Variants in LRRC40 observed in about 807,000 individuals in gnomAD.
LRRC40 encodes leucine-rich repeat-containing protein 40.
A neutral mutation model predicts 72.8 loss-of-function variants in LRRC40; 76 were observed. The ratio of observed to expected loss-of-function variants is 1.04; its 90% CI spans 0.87 to 1.26. LRRC40 has a LOEUF of 1.26. LRRC40 is among the 50% of genes most tolerant of loss of function. The pLI, the probability that LRRC40 is intolerant of heterozygous loss-of-function variation, is 0.00. For missense variants in LRRC40, 684 were observed against 698.9 expected, an observed-to-expected ratio of 0.98 and a Z score of 0.24; for synonymous variants, 243 against 254.2, an observed-to-expected ratio of 0.96 and a Z score of 0.42.
chr1:70,182,714 C>A (rs1668273308), intron 4 of LRRC40, among the ~76,000 whole-genome samples: 1 of 151,868 alleles, frequency 6.6e-6, no homozygotes, highest in African/African-American at 2.4e-5. Flanking sequence ...CAAGTCATTC[C>A]TTTAACAAAT....
chr1:70,148,476 G>A lies in LRRC40; in HGVS notation c.1703+11C>T, dbSNP rs376042540. Reference sequence around the variant, plus strand: ...AATAAATGAAACAATGCAGTAGAATGGTGTAGTTACCTTAAGTTTACACAA... The same window carrying A: ...AATAAATGAAACAATGCAGTAGAATAGTGTAGTTACCTTAAGTTTACACAA... On this transcript the variant is annotated intron_variant, in intron 14 of 14. Coordinates refer to ENST00000370952, the MANE Select transcript of LRRC40 (RefSeq NM_017768.5). The A allele has an allele frequency of 1.0e-5, 16 of 1,586,586 alleles. No individual in the cohort carries two copies. The highest frequency in any genetic ancestry group is 1.3e-5 in the Non-Finnish European group (15 of 1,158,262).
chr1:70,195,171 C>A (rs1668580981), intron 1 of LRRC40, among the ~76,000 whole-genome samples: 1 of 151,860 alleles, frequency 6.6e-6, no homozygotes, highest in Admixed American at 6.6e-5. Flanking sequence ...TGTCTTGGGA[C>A]AGAAAAAGTT....
intron 10 of LRRC40, among the ~76,000 whole-genome samples, chr1:70,158,009 G>T (rs1406058786): frequency 6.6e-6 from 1 of 150,808 alleles, no homozygotes; most frequent in Non-Finnish European, 1.5e-5. Flanking sequence ...GCTGAGGTGG[G>T]GGAATCGCTT....
chr1:70,173,916 T>G (rs971900888), intron 7 of LRRC40, among the ~76,000 whole-genome samples: 1 of 152,032 alleles, frequency 6.6e-6, no homozygotes, highest in African/African-American at 2.4e-5. Context: ...ATTGTCATGC[T>G]GAGATTAATT....
intron 3 of LRRC40, among the ~76,000 whole-genome samples, chr1:70,186,666 C>A (rs1184319668): frequency 6.6e-6 from 1 of 152,132 alleles, no homozygotes; most frequent in Non-Finnish European, 1.5e-5. Context: ...TTTCCCATAG[C>A]CTATGTCTAT....
rs3219841 is a variant in LRRC40 at position 70,204,732 on chromosome 1, T to TACACACACACAC, written c.151+646_151+657dup. ...TCTCCATTCCCCTCCCTCTCTCTCT[T>TACACACACACAC]ACACACACACACACACACACACACA... On this transcript the variant is annotated intron_variant, in intron 1 of 14. Coordinates refer to ENST00000370952, the MANE Select transcript of LRRC40 (RefSeq NM_017768.5). Among the ~76,000 whole-genome samples the TACACACACACAC allele has an allele frequency of 4.8e-3, 701 of 145,270 alleles. 2 individuals carry two copies. The highest frequency in any genetic ancestry group is 0.016 in the African/African-American group (642 of 39,572).
chr1:70,147,576 C>G (rs1667340026), intron 14 of LRRC40, among the ~76,000 whole-genome samples: 1 of 152,114 alleles, frequency 6.6e-6, no homozygotes, highest in Non-Finnish European at 1.5e-5. Flanking sequence ...AAGAACCTAA[C>G]CCCTGTATTT....
At chr1:70,189,298 G>GAAA (rs745450367) in intron 1 of LRRC40, 25 bp from the exon 2 acceptor site, 376 of 763,020 alleles carry the variant, frequency 4.9e-4, no homozygotes, top group South Asian at 1.1e-3. Flanking sequence ...ACCACACCAG[G>GAAA]AAAAAAAAAA....
At chr1:70,187,152 T>C in intron 3 of LRRC40, 113 bp downstream of exon 3, 2 of 587,316 alleles carry the variant, frequency 3.4e-6, no homozygotes, top group Non-Finnish European at 6.1e-6. Context: ...TATTCTGCTT[T>C]AACTACTTTC....
intron 1 of LRRC40, among the ~76,000 whole-genome samples, chr1:70,194,029 G>A (rs986475972): frequency 2.0e-5 from 3 of 152,002 alleles, no homozygotes; most frequent in African/African-American, 7.2e-5. Flanking sequence ...AGTATACAAG[G>A]CAAGGATGCC....
rs752483518 is a variant in LRRC40 at position 70,159,408 on chromosome 1, G to A, written c.1142C>T (p.Thr381Ile). 1.3e-6 allele frequency: 2 copies of A among 1,595,426 alleles called. No homozygotes were observed. The highest frequency in any genetic ancestry group is 1.3e-5 in the African/African-American group (1 of 74,584). The change falls in exon 10 of 15, where the codon ACT becomes ATT. Residue 381 changes from threonine (T) to isoleucine (I), a missense_variant. Coordinates refer to ENST00000370952, the MANE Select transcript of LRRC40 (RefSeq NM_017768.5). ...ACTTGGTAGTGTCATGGCAGTCTCA[G>A]TAGCAGACTCACTTTGGCTAGGTCC... is the stretch of plus-strand genomic sequence containing the variant. ...DDGPSQSESATETAMTLPSES... is the reference protein window; with the variant it reads ...DDGPSQSESAIETAMTLPSES...
chr1:70,202,454 T>C (rs1668769331), intron 1 of LRRC40, among the ~76,000 whole-genome samples: 1 of 152,190 alleles, frequency 6.6e-6, no homozygotes, highest in Non-Finnish European at 1.5e-5. Context: ...CTGGTATGAT[T>C]CAAATTAAGA....
chr1:70,145,900 A>G lies in LRRC40; in HGVS notation c.1709T>C (p.Leu570Ser). The change falls in exon 15 of 15, where the codon TTA (leucine) becomes TCA (serine). Residue 570 changes from leucine to serine, a missense_variant. By Grantham distance (145) the Leu-to-Ser change is moderately radical. Coordinates refer to ENST00000370952, the MANE Select transcript of LRRC40 (RefSeq NM_017768.5). ...ELGNCVNLRT[L>S]LLDGNPFRVP... is the part of the protein sequence containing the mutation. ...TCGGAATGGATTTCCATCCAGTAGT[A>G]ATGTTCTAAACAAAAGAGAGAAATT... 6.5e-7 allele frequency: 1 copy of G among 1,547,610 alleles called. No individual in the cohort carries two copies. Among genetic ancestry groups the G allele is most frequent in the Non-Finnish European group, 8.9e-7 (1 of 1,122,006 alleles).
At chr1:70,195,586 T>C (rs922122261) in intron 1 of LRRC40, among the ~76,000 whole-genome samples, 3 of 152,220 alleles carry the variant, frequency 2.0e-5, no homozygotes, top group African/African-American at 7.2e-5. Flanking sequence ...ATCTCTCATA[T>C]GTTGCTAGTG....
intron 14 of LRRC40, chr1:70,147,024 T>C (rs545105477): frequency 1.3e-5 from 2 of 152,316 alleles, no homozygotes; most frequent in South Asian, 4.1e-4. Context: ...TCTTAATTTC[T>C]AGAAAAAAAG....
intron 1 of LRRC40, among the ~76,000 whole-genome samples, chr1:70,190,658 C>T (rs1571488652): frequency 1.4e-5 from 1 of 73,366 alleles, no homozygotes; most frequent in East Asian, 4.4e-4. Context: ...GCCTGGGAAA[C>T]AGAGTGAGAC....
In LRRC40 at chr1:70,204,465, T is replaced by C. The variant is rs561964676; in HGVS notation, c.151+925A>G. Reference sequence around the variant, plus strand: ...AGGTTTTGGGGAAACCAAGTAGATATATATATATGCACAACTGTAGTTTGA... The same window carrying C: ...AGGTTTTGGGGAAACCAAGTAGATACATATATATGCACAACTGTAGTTTGA... On this transcript the variant is annotated intron_variant, in intron 1 of 14. Coordinates refer to ENST00000370952, the MANE Select transcript of LRRC40 (RefSeq NM_017768.5). Among the ~76,000 whole-genome samples the C allele has an allele frequency of 6.6e-5, 10 of 152,288 alleles. No individual in the cohort carries two copies. The South Asian group carries it at 1.5e-3, about 22-fold the overall frequency.
intron 12 of LRRC40, among the ~76,000 whole-genome samples, 164 bp from the exon 13 acceptor site, chr1:70,151,369 T>C (rs527600726): frequency 2.5e-4 from 38 of 152,188 alleles, no homozygotes; most frequent in Non-Finnish European, 5.3e-4. Flanking sequence ...ATCAGTCACC[T>C]ACCGCAGTTA....
intron 1 of LRRC40, among the ~76,000 whole-genome samples, chr1:70,190,950 A>G (rs1668487366): frequency 6.6e-6 from 1 of 152,050 alleles, no homozygotes; most frequent in Non-Finnish European, 1.5e-5. Flanking sequence ...GAGCCAAAGC[A>G]CCATACAATT....
Sources: gnomAD v4.1 joint callset for allele counts (sites outside exome capture counted in the v4.1 genomes callset) on GRCh38, gnomAD v4.1.1 for gene constraint, MANE v1.5 for transcripts, NCBI Gene and HGNC (gene_info 2026-07-23, HGNC 2026-07-21) for gene names.